Variants in ARHGAP35 observed in about 807,000 individuals in gnomAD.
ARHGAP35 encodes the protein Rho GTPase activating protein 35, also known as rho GTPase-activating protein 35.
Under a neutral mutation model 111.1 loss-of-function variants are expected in ARHGAP35, and 15 were observed. The observed-to-expected ratio is 0.13, with a 90% CI of 0.09 to 0.21. ARHGAP35 has a LOEUF of 0.21. Among genes scored for constraint, ARHGAP35 ranks in the 10% least tolerant of loss-of-function variants. The pLI, the probability that ARHGAP35 is intolerant of heterozygous loss-of-function variation, is 1.00. For missense variants in ARHGAP35, 1,262 were observed against 1,873.0 expected (o/e 0.67, Z 6.02); for synonymous variants, 643 against 710.3 (o/e 0.91, Z 1.51).
chr19:46,887,541 A>C (rs897637482), intron 1 of ARHGAP35, among the ~76,000 whole-genome samples: 2 of 152,172 alleles, frequency 1.3e-5, no homozygotes, highest in Non-Finnish European at 2.9e-5. Flanking sequence ...AGCTGTGACT[A>C]GCAAGAGCTT....
chr19:46,964,115 G>A (rs571254283), intron 3 of ARHGAP35, among the ~76,000 whole-genome samples: 20 of 151,364 alleles, frequency 1.3e-4, no homozygotes, highest in African/African-American at 4.6e-4. Context: ...TGATCCACCC[G>A]CCTCAGCCTC....
At chr19:46,932,445 G>A (rs2056278464) in intron 2 of ARHGAP35, among the ~76,000 whole-genome samples, 1 of 152,172 alleles carries the variant, frequency 6.6e-6, no homozygotes, top group African/African-American at 2.4e-5. Context: ...TCAAGGACCT[G>A]TTGCTGAAAG....
intron 2 of ARHGAP35, among the ~76,000 whole-genome samples, chr19:46,928,258 T>C (rs1489332923): frequency 6.6e-6 from 1 of 152,140 alleles, no homozygotes; most frequent in African/African-American, 2.4e-5. Context: ...GCAACCCAAA[T>C]CTGTTTTTAA....
At chr19:46,982,834 C>T (rs1006081346) in intron 3 of ARHGAP35, among the ~76,000 whole-genome samples, 3 of 151,512 alleles carry the variant, frequency 2.0e-5, no homozygotes, top group African/African-American at 7.3e-5. Flanking sequence ...CGCTGGAGCC[C>T]AGGAGTTTGA....
chr19:46,867,223 A>C (rs1025999318), intron 1 of ARHGAP35, among the ~76,000 whole-genome samples: 4 of 152,218 alleles, frequency 2.6e-5, no homozygotes, highest in African/African-American at 4.8e-5. Flanking sequence ...AGACTTGCCT[A>C]TCTCTCTCAT....
chr19:46,944,805 GGGC>G (rs2056369044), intron 3 of ARHGAP35, among the ~76,000 whole-genome samples: 1 of 152,170 alleles, frequency 6.6e-6, no homozygotes, highest in African/African-American at 2.4e-5. Context: ...TTTACAAGCA[GGGC>G]GCTGTGTTGA....
chr19:46,987,740 T>G (rs188349759), intron 3 of ARHGAP35, among the ~76,000 whole-genome samples: 9 of 152,362 alleles, frequency 5.9e-5, no homozygotes, highest in Admixed American at 3.9e-4. Flanking sequence ...CTTTAGCTGC[T>G]GTGCTTCTAT....
intron 2 of ARHGAP35, among the ~76,000 whole-genome samples, chr19:46,927,310 T>C (rs1381107946): frequency 6.6e-6 from 1 of 152,198 alleles, no homozygotes; most frequent in East Asian, 1.9e-4. Context: ...CTTGGGGATG[T>C]TAGGTTTTAA....
intron 1 of ARHGAP35, among the ~76,000 whole-genome samples, chr19:46,892,688 A>G (rs891361930): frequency 4.0e-5 from 6 of 149,596 alleles, no homozygotes; most frequent in Non-Finnish European, 7.4e-5. Context: ...TGGGACAAGT[A>G]TAAAGGAAAG....
Position 46,988,379 on chromosome 19 carries a change from T to G in ARHGAP35, c.3904+313T>G. The G allele has an allele frequency of 2.9e-6, 1 of 344,900 alleles. No individual in the cohort carries two copies. Among genetic ancestry groups the G allele is most frequent in the Non-Finnish European group, 5.6e-6 (1 of 179,044 alleles). 21.4% of individuals were successfully genotyped at this position (344,900 alleles called of 1,614,324 possible). ...ACCACACTGAAGAGCTTTGCCTGTTTTCCCATGCAGAGCTAGTTGCAGGCA... is the reference window on the plus strand; with the variant it reads ...ACCACACTGAAGAGCTTTGCCTGTTGTCCCATGCAGAGCTAGTTGCAGGCA... On this transcript the variant is annotated intron_variant, in intron 4 of 6. Transcript: ENST00000672722. This position sits in a 1 kb window ranked among gnomAD's most constrained non-coding sequence, Gnocchi z 5.4.
intron 1 of ARHGAP35, among the ~76,000 whole-genome samples, chr19:46,890,252 G>C (rs1373434208): frequency 6.6e-6 from 1 of 152,190 alleles, no homozygotes; most frequent in African/African-American, 2.4e-5. Flanking sequence ...CTAAGGAGGA[G>C]TATGTAAGCT....
chr19:46,938,627 A>G (rs1048591998), intron 3 of ARHGAP35, among the ~76,000 whole-genome samples: 1 of 150,908 alleles, frequency 6.6e-6, no homozygotes, highest in Non-Finnish European at 1.5e-5. Context: ...TGCTGGGATT[A>G]CAGGCATGAG....
chr19:46,980,214 G>C (rs1377024071), intron 3 of ARHGAP35, among the ~76,000 whole-genome samples: 1 of 152,118 alleles, frequency 6.6e-6, no homozygotes, highest in East Asian at 1.9e-4. Flanking sequence ...GTGAAACCTC[G>C]TCTCTACTAA....
At chr19:46,955,094 TTTA>T (rs1341004624) in intron 3 of ARHGAP35, among the ~76,000 whole-genome samples, 1 of 152,164 alleles carries the variant, frequency 6.6e-6, no homozygotes, top group Non-Finnish European at 1.5e-5. Context: ...AGGTTGTGTA[TTTA>T]TTATTGTCGT....
At position 46,955,726 on chromosome 19, in the gene ARHGAP35, CA is replaced by C. The variant is rs1381078875; in HGVS notation, c.3826+18319del. On this transcript the variant is annotated intron_variant, in intron 3 of 6. Transcript: ENST00000672722. ...TCTTTGAAGGGAAGGACTTACTCAG[CA>C]TTTAAATAACACAAGCTAGATTACA... is the stretch of plus-strand genomic sequence containing the variant. 1.2e-4 allele frequency among the ~76,000 whole-genome samples: 19 copies of C among 152,196 alleles called. No homozygotes were observed. In the East Asian group the frequency reaches 3.7e-3, roughly 29 times the overall value.
Position 46,937,246 on chromosome 19 carries a change from T to C in ARHGAP35, c.3682-18T>C, listed in dbSNP as rs760418239. The C allele has an allele frequency of 2.4e-5, 38 of 1,613,336 alleles. No individual in the cohort carries two copies. The highest frequency in any genetic ancestry group is 3.2e-5 in the Non-Finnish European group (38 of 1,179,594). ...TACTCACTTTGTTTTTGTGCTTCCC[T>C]TTCTCTTTCCTGGACAGAAACCAAA... On this transcript the variant is annotated intron_variant, in intron 2 of 6. Coordinates refer to ENST00000672722, the MANE Select transcript of ARHGAP35 (RefSeq NM_004491.5).
intron 3 of ARHGAP35, among the ~76,000 whole-genome samples, chr19:46,970,564 T>C (rs2056540892): frequency 6.6e-6 from 1 of 152,186 alleles, no homozygotes; most frequent in Non-Finnish European, 1.5e-5. Flanking sequence ...GTGCAGAGTC[T>C]ATACCCTTCA....
At chr19:46,927,825 CCCTGGTGTTCTGACTT>C (rs964481631) in intron 2 of ARHGAP35, among the ~76,000 whole-genome samples, 1 of 152,116 alleles carries the variant, frequency 6.6e-6, no homozygotes, top group Non-Finnish European at 1.5e-5. Context: ...AGATTCTGAA[CCCTGGTGTTCTGACTT>C]CCACTTCCTG....
At chr19:46,882,863 CT>C (rs2055969995) in intron 1 of ARHGAP35, among the ~76,000 whole-genome samples, 1 of 152,204 alleles carries the variant, frequency 6.6e-6, no homozygotes, top group African/African-American at 2.4e-5. Flanking sequence ...GGCTGTTTCA[CT>C]TTATCACTCG....
Sources: gnomAD v4.1 joint callset for allele counts (sites outside exome capture counted in the v4.1 genomes callset) on GRCh38, gnomAD v4.1.1 for gene constraint, Gnocchi (gnomAD v3.1) non-coding constraint, MANE v1.5 for transcripts, NCBI Gene and HGNC (gene_info 2026-07-23, HGNC 2026-07-21) for gene names.